Variants in ARRB1 observed in about 807,000 individuals in gnomAD.
ARRB1 encodes beta-arrestin-1.
ARRB1 carries 21 observed loss-of-function variants against 56.8 expected under a neutral mutation model. The ratio of observed to expected loss-of-function variants is 0.37; its 90% confidence interval spans 0.26 to 0.53. ARRB1 has a LOEUF of 0.53. Ranked by LOEUF, ARRB1 falls within the 20% of genes least tolerant of loss-of-function variation. The probability of loss-of-function intolerance (pLI) is 0.88; values close to 1 mark genes in which losing one functional copy is unlikely to be tolerated. For missense variants in ARRB1, 424 were observed against 553.7 expected, an observed-to-expected ratio of 0.77 and a Z score of 2.35; for synonymous variants, 210 against 218.6, an observed-to-expected ratio of 0.96 and a Z score of 0.35.
intron 1 of ARRB1, among the ~76,000 whole-genome samples, chr11:75,290,961 T>C (rs625529): frequency 2.8e-4 from 42 of 152,188 alleles, no homozygotes; most frequent in Admixed American, 2.0e-4. Context: ...GTGTCTACTC[T>C]GCTAATATGT....
chr11:75,275,308 G>A (rs1403954141), intron 10 of ARRB1, among the ~76,000 whole-genome samples: 4 of 151,560 alleles, frequency 2.6e-5, no homozygotes, highest in African/African-American at 2.4e-5. Flanking sequence ...CACCATGCCC[G>A]ACTAATTTTT....
At chr11:75,326,769 G>T (rs1414335283) in intron 1 of ARRB1, among the ~76,000 whole-genome samples, 1 of 148,544 alleles carries the variant, frequency 6.7e-6, no homozygotes, top group Non-Finnish European at 1.5e-5. Context: ...TCCAGCCCAG[G>T]CTAGAGTGCA....
rs1260539692 is a variant in ARRB1 at position 75,307,873 on chromosome 11, AG to A, written c.21-17835del. ...GGGGGATCCCTGACAAGAGGATCCC[AG>A]GACAGGCCATGGCTCCAGCTCTGGC... On this transcript the variant is annotated intron_variant, in intron 1 of 15. Transcript: ENST00000420843. Among the ~76,000 whole-genome samples, 45 of 152,258 alleles carry A rather than the reference AG, an allele frequency of 3.0e-4. 1 individual carries two copies. The highest frequency in any genetic ancestry group is 5.9e-5 in the Non-Finnish European group (4 of 68,034).
intron 1 of ARRB1, among the ~76,000 whole-genome samples, chr11:75,300,744 A>G (rs1456505939): frequency 4.0e-5 from 6 of 149,114 alleles, no homozygotes; most frequent in Non-Finnish European, 8.8e-5. Context: ...AGGCGGGCGG[A>G]TCACGAGGTC....
At chr11:75,286,285 T>C (rs1448188654) in intron 3 of ARRB1, among the ~76,000 whole-genome samples, 12 of 108,926 alleles carry the variant, frequency 1.1e-4, no homozygotes, top group Middle Eastern at 4.7e-3. Context: ...TTTTTTTTTT[T>C]CTGAGCCAGA....
intron 1 of ARRB1, among the ~76,000 whole-genome samples, chr11:75,299,483 T>C (rs1184847221): frequency 6.6e-6 from 1 of 151,988 alleles, no homozygotes; most frequent in African/African-American, 2.4e-5. Context: ...AGGGAAAATC[T>C]GGACCCTAAA....
intron 1 of ARRB1, among the ~76,000 whole-genome samples, chr11:75,314,900 C>T (rs1947238736): frequency 6.6e-6 from 1 of 152,200 alleles, no homozygotes. Context: ...AGCCACCACG[C>T]CCAGCCAACA....
Position 75,281,995 on chromosome 11 carries a change from C to T in ARRB1, c.381G>A (p.Val127=). ...FEIPPNLPCS[V]TLQPGPEDTG... is the part of the protein sequence containing the mutation. ...TGTCTTCGGGCCCCGGCTGCAGTGTCACAGAACATGGAAGGTTTGGAGGGA... is the reference window on the plus strand; with the variant it reads ...TGTCTTCGGGCCCCGGCTGCAGTGTTACAGAACATGGAAGGTTTGGAGGGA... The change falls in exon 6 of 16, where the codon GTG becomes GTA. Residue 127 remains valine (V), a synonymous_variant. Coordinates refer to ENST00000420843, the MANE Select transcript of ARRB1 (RefSeq NM_004041.5). 6.2e-7 allele frequency: 1 copy of T among 1,614,108 alleles called. No individual in the cohort carries two copies. The highest frequency in any genetic ancestry group is 8.5e-7 in the Non-Finnish European group (1 of 1,180,012).
intron 4 of ARRB1, among the ~76,000 whole-genome samples, chr11:75,284,026 G>A (rs961256344): frequency 4.6e-5 from 7 of 152,196 alleles, no homozygotes; most frequent in African/African-American, 1.7e-4. Context: ...ACATATTGAT[G>A]TGAAAGTGCT....
chr11:75,306,249 A>G (rs1947025507), intron 1 of ARRB1, among the ~76,000 whole-genome samples: 1 of 151,808 alleles, frequency 6.6e-6, no homozygotes, highest in Non-Finnish European at 1.5e-5. Context: ...CCACCTGACC[A>G]CTTCAGCTGC....
chr11:75,337,922 G>A (rs975855468), intron 1 of ARRB1, among the ~76,000 whole-genome samples: 4 of 144,532 alleles, frequency 2.8e-5, no homozygotes, highest in Admixed American at 7.2e-5. Context: ...GTGAGCCACC[G>A]CACCCAGGCT....
At chr11:75,321,101 T>C (rs996961325) in intron 1 of ARRB1, among the ~76,000 whole-genome samples, 3 of 152,180 alleles carry the variant, frequency 2.0e-5, no homozygotes, top group Non-Finnish European at 4.4e-5. Context: ...TTCTCTGTTT[T>C]CCCTCACCTG....
At chr11:75,340,194 G>A (rs543110802) in intron 1 of ARRB1, among the ~76,000 whole-genome samples, 1 of 152,374 alleles carries the variant, frequency 6.6e-6, no homozygotes, top group Admixed American at 6.5e-5. Context: ...GGGGCAGTTT[G>A]CAGGCAAATT....
chr11:75,312,294 C>T (rs1365259068), intron 1 of ARRB1: 1 of 519,960 alleles, frequency 1.9e-6, no homozygotes, highest in Admixed American at 2.7e-5. Flanking sequence ...GGACAGGGCT[C>T]AAGTCTGCCA....
intron 7 of ARRB1, 70 bp from the exon 8 acceptor site, chr11:75,278,814 A>C: frequency 6.5e-7 from 1 of 1,537,524 alleles, no homozygotes; most frequent in Non-Finnish European, 8.8e-7. Context: ...TGCGAGCCTC[A>C]CATCATTCTC....
rs367721677 is a variant in ARRB1 at position 75,287,951 on chromosome 11, C to T, written c.52-576G>A. On this transcript the variant is annotated intron_variant, in intron 2 of 15. Transcript: ENST00000420843. ...GATCTCAGATCCCTGCAACCTCCGC[C>T]TCCCAGGTTCAGGCGATTCTCCTGC... Among the ~76,000 whole-genome samples, 10 of 152,288 alleles carry T rather than the reference C, an allele frequency of 6.6e-5. 1 individual carries two copies. In the East Asian group the frequency reaches 1.9e-3, roughly 29 times the overall value.
At chr11:75,293,783 C>T (rs565428765) in intron 1 of ARRB1, among the ~76,000 whole-genome samples, 22 of 152,290 alleles carry the variant, frequency 1.4e-4, no homozygotes, top group African/African-American at 5.3e-4. Flanking sequence ...TCACGGGATG[C>T]AGGCAGGATG....
At position 75,262,887 on chromosome 11, in the gene ARRB1, T is replaced by A. The variant is rs1945829341; in HGVS notation, c.*3276A>T. Among the ~76,000 whole-genome samples, 1 of 152,160 alleles carries A rather than the reference T, an allele frequency of 6.6e-6. No homozygotes were observed. The highest frequency in any genetic ancestry group is 2.1e-4 in the South Asian group (1 of 4,832). Reference sequence around the variant, plus strand: ...GAACCCACTCTAGCAGGTCTGAGCTTTGAGGCTGAGGAGAGGTGCAGCCAA... The same window carrying A: ...GAACCCACTCTAGCAGGTCTGAGCTATGAGGCTGAGGAGAGGTGCAGCCAA... On this transcript the variant is annotated 3_prime_UTR_variant, in exon 16 of 16. Coordinates refer to ENST00000420843, the MANE Select transcript of ARRB1 (RefSeq NM_004041.5).
chr11:75,293,241 T>G lies in ARRB1; in HGVS notation c.21-3202A>C, dbSNP rs565500399. 1.7e-4 allele frequency among the ~76,000 whole-genome samples: 26 copies of G among 152,186 alleles called. 1 individual carries two copies. The highest frequency in any genetic ancestry group is 5.8e-4 in the African/African-American group (24 of 41,512). ...CCAAGAGCATGCCATGCTCTAGACA[T>G]GACTTTAGGTATTTTTCCTAGAACA... On this transcript the variant is annotated intron_variant, in intron 1 of 15. Coordinates refer to ENST00000420843, the MANE Select transcript of ARRB1 (RefSeq NM_004041.5).
Sources: gnomAD v4.1 joint callset for allele counts (sites outside exome capture counted in the v4.1 genomes callset) on GRCh38, gnomAD v4.1.1 for gene constraint, MANE v1.5 for transcripts, NCBI Gene and HGNC (gene_info 2026-07-23, HGNC 2026-07-21) for gene names.